Variants in TSPEAR observed in about 807,000 individuals in gnomAD.
The protein encoded by TSPEAR is thrombospondin type laminin G domain and EAR repeats.
TSPEAR carries 69 observed loss-of-function variants against 71.6 expected under a neutral mutation model. The observed-to-expected ratio is 0.96, with a 90% CI of 0.79 to 1.18. TSPEAR has a LOEUF of 1.18. Among genes scored for constraint, TSPEAR ranks in the 50% most tolerant of loss-of-function variants. The probability of loss-of-function intolerance (pLI) is 0.00; values close to 1 mark genes in which losing one functional copy is unlikely to be tolerated. For synonymous variants in TSPEAR, 402 were observed against 387.2 expected (o/e 1.04, Z -0.45); for missense variants, 971 against 894.9 (o/e 1.09, Z -1.09).
intron 1 of TSPEAR, among the ~76,000 whole-genome samples, chr21:44,596,238 G>A (rs442849): frequency 0.12 from 17,583 of 152,224 alleles, 1,563 homozygotes; most frequent in African/African-American, 0.24. Context: ...CTCGCAATGT[G>A]CTGGCTTTTT....
intron 2 of TSPEAR, chr21:44,558,405 C>T (rs781998125): frequency 3.7e-6 from 6 of 1,613,550 alleles, no homozygotes; most frequent in East Asian, 4.5e-5. Context: ...TGGCTTGCAG[C>T]AGACAGGCAC....
chr21:44,513,761 A>C lies in TSPEAR; in HGVS notation c.1567-4375T>G, dbSNP rs141446841. ...AAGAGGATGCCTCTGTGGTCTGGGA[A>C]TGCCAGGGGAGGGGAGGGAGGCAGG... is the stretch of plus-strand genomic sequence containing the variant. On this transcript the variant is annotated intron_variant, in intron 9 of 11. Transcript: ENST00000323084. Among the ~76,000 whole-genome samples, 534 of 152,260 alleles carry C rather than the reference A, an allele frequency of 3.5e-3. 5 individuals are homozygous for C. Among genetic ancestry groups the C allele is most frequent in the African/African-American group, 0.012 (501 of 41,552 alleles).
At chr21:44,553,646 G>A (rs587694251) in intron 2 of TSPEAR, among the ~76,000 whole-genome samples, 27 of 152,296 alleles carry the variant, frequency 1.8e-4, no homozygotes, top group African/African-American at 5.8e-4. Context: ...TTGAGGATCA[G>A]GTATTCTGGG....
chr21:44,687,373 G>A lies in TSPEAR; in HGVS notation c.82+24060C>T, dbSNP rs938648671. Among the ~76,000 whole-genome samples the A allele has an allele frequency of 6.6e-6, 1 of 152,144 alleles. No individual in the cohort carries two copies. Among genetic ancestry groups the A allele is most frequent in the Non-Finnish European group, 1.5e-5 (1 of 68,022 alleles). Reference sequence around the variant, plus strand: ...CCACTGTATCATAACAGAAAAAACCGGAACGGCCCATGTGCCCATTAGCTG... The same window carrying A: ...CCACTGTATCATAACAGAAAAAACCAGAACGGCCCATGTGCCCATTAGCTG... On this transcript the variant is annotated intron_variant, in intron 1 of 11. Transcript: ENST00000323084. The surrounding 1 kb of genome is among the most constrained non-coding windows in gnomAD (Gnocchi z 4.4).
intron 1 of TSPEAR, chr21:44,676,762 A>G: frequency 1.2e-6 from 1 of 818,248 alleles, no homozygotes; most frequent in Non-Finnish European, 2.2e-6. Flanking sequence ...TTCAGCCTGC[A>G]TTTTACTTCC....
chr21:44,664,151 C>A (rs1395422573), intron 1 of TSPEAR, among the ~76,000 whole-genome samples: 1 of 152,094 alleles, frequency 6.6e-6, no homozygotes, highest in African/African-American at 2.4e-5. Flanking sequence ...ATAACACAGT[C>A]TCTATTAACA....
chr21:44,673,282 AG>A (rs1410630700), intron 1 of TSPEAR, among the ~76,000 whole-genome samples: 1 of 152,240 alleles, frequency 6.6e-6, no homozygotes, highest in African/African-American at 2.4e-5. Context: ...CTGACAGACA[AG>A]GATACTATAC....
intron 1 of TSPEAR, among the ~76,000 whole-genome samples, chr21:44,617,705 A>G (rs1349081834): frequency 6.6e-6 from 1 of 152,266 alleles, no homozygotes; most frequent in Non-Finnish European, 1.5e-5. Flanking sequence ...TAATAAAGAA[A>G]AATATCTTAT....
intron 1 of TSPEAR, chr21:44,657,895 A>G (rs2838617): frequency 0.73 from 971,989 of 1,338,170 alleles, 355,501 homozygotes; most frequent in African/African-American, 0.89. Flanking sequence ...CCCAGATGAC[A>G]GGACCCAGGT....
intron 8 of TSPEAR, among the ~76,000 whole-genome samples, chr21:44,524,417 A>G (rs2052804228): frequency 1.3e-5 from 2 of 151,990 alleles, no homozygotes; most frequent in Admixed American, 6.6e-5. Flanking sequence ...TTAGGTAGTC[A>G]GTCAGGCAGT....
At chr21:44,681,460 C>T (rs1406365886) in intron 1 of TSPEAR, 1 of 185,818 alleles carries the variant, frequency 5.4e-6, no homozygotes, top group African/African-American at 2.3e-5. Flanking sequence ...ACACCACCTT[C>T]TGATGAGCAC....
intron 1 of TSPEAR, among the ~76,000 whole-genome samples, chr21:44,625,221 T>G (rs191900386): frequency 8.1e-4 from 124 of 152,306 alleles, no homozygotes; most frequent in Admixed American, 8.0e-3. Flanking sequence ...CCTGCCCACA[T>G]GAAGCTTACC....
At chr21:44,676,155 G>C in intron 1 of TSPEAR, 1 of 1,010,696 alleles carries the variant, frequency 9.9e-7, no homozygotes, top group African/African-American at 1.6e-5. Context: ...GGGACTGCAG[G>C]TAGGAGAAGA....
chr21:44,689,355 A>G (rs1715320063), intron 1 of TSPEAR, among the ~76,000 whole-genome samples: 1 of 151,920 alleles, frequency 6.6e-6, no homozygotes, highest in African/African-American at 2.4e-5. Context: ...ACAAAAAATT[A>G]GCCAGGCGTG....
At chr21:44,669,603 T>A (rs942609387) in intron 1 of TSPEAR, among the ~76,000 whole-genome samples, 28 of 152,076 alleles carry the variant, frequency 1.8e-4, no homozygotes, top group Non-Finnish European at 3.8e-4. Flanking sequence ...GCCTGGAGCC[T>A]GGACTGAGGC....
chr21:44,607,053 G>A (rs1981359173), intron 1 of TSPEAR, among the ~76,000 whole-genome samples: 1 of 152,124 alleles, frequency 6.6e-6, no homozygotes, highest in Admixed American at 6.5e-5. Flanking sequence ...GTGAGATGAT[G>A]GTTATGTTAA....
At chr21:44,622,644 T>C (rs1419513145) in intron 1 of TSPEAR, among the ~76,000 whole-genome samples, 2 of 152,218 alleles carry the variant, frequency 1.3e-5, no homozygotes, top group Non-Finnish European at 2.9e-5. Flanking sequence ...CTTCCCTTTG[T>C]GTGTGTGTTT....
At chr21:44,514,462 A>G (rs1301498396) in intron 9 of TSPEAR, among the ~76,000 whole-genome samples, 2 of 152,178 alleles carry the variant, frequency 1.3e-5, no homozygotes, top group East Asian at 3.8e-4. Flanking sequence ...CCCAGCTGTG[A>G]CGAGGGGTCC....
intron 1 of TSPEAR, chr21:44,579,576 G>A: frequency 1.4e-6 from 1 of 729,080 alleles, no homozygotes; most frequent in Non-Finnish European, 2.2e-6. Flanking sequence ...AGGCAGGTGG[G>A]CCCCTGCTGG....
Sources: allele counts gnomAD v4.1 joint callset (sites outside exome capture counted in the v4.1 genomes callset), GRCh38; gene constraint gnomAD v4.1.1; non-coding constraint Gnocchi (gnomAD v3.1); transcripts MANE v1.5; gene names NCBI Gene and HGNC (gene_info 2026-07-23, HGNC 2026-07-21).